The following ZNF626 variants were observed in gnomAD, a reference collection of about 807,000 sequenced individuals.
The protein encoded by ZNF626 is CTC-513N18.7.
ZNF626 carries 4 observed loss-of-function variants against 11.7 expected under a neutral mutation model. The observed-to-expected ratio is 0.34, with a 90% confidence interval of 0.17 to 0.78. The LOEUF (loss-of-function observed/expected upper bound fraction) is 0.78. Among genes scored for constraint, ZNF626 ranks in the 30% least tolerant of loss-of-function variants. The pLI is 0.57. For missense variants in ZNF626, 588 were observed against 587.1 expected (o/e 1.00, Z -0.01); for synonymous variants, 179 against 198.6 (o/e 0.90, Z 0.83).
chr19:20,629,513 G>T (rs1181070019), intron 3 of ZNF626, among the ~76,000 whole-genome samples: 1 of 152,146 alleles, frequency 6.6e-6, no homozygotes, highest in Non-Finnish European at 1.5e-5. Flanking sequence ...TTGTAAGGTG[G>T]ATTCCTAGGT....
chr19:20,626,852 T>TA (rs1408368957), intron 3 of ZNF626, among the ~76,000 whole-genome samples: 38 of 151,950 alleles, frequency 2.5e-4, no homozygotes, highest in South Asian at 8.3e-4. Context: ...CCATCTCTGC[T>TA]AAAAATACAA....
chr19:20,625,371 C>T lies in ZNF626; in HGVS notation c.506G>A (p.Gly169Glu). 2 of 1,613,950 alleles carry T rather than the reference C, an allele frequency of 1.2e-6. No homozygotes were observed. Among genetic ancestry groups the T allele is most frequent in the Non-Finnish European group, 1.7e-6 (2 of 1,179,986 alleles). ...NSNGQKRGHT[G>E]KKPFKYIECG... ...TTCTATATATTTGAAAGGTTTTTTC[C>T]CAGTATGTCCTCTCTTTTGTCCGTT... is the stretch of plus-strand genomic sequence containing the variant. Residue 169 changes from glycine to glutamate, a missense_variant, in exon 4 of 4, where the codon GGG (glycine) becomes GAG (glutamate). By Grantham distance (98) the Gly-to-Glu change is moderately conservative. Transcript: ENST00000601440.
chr19:20,659,857 C>T (rs1970245011), intron 1 of ZNF626, among the ~76,000 whole-genome samples: 1 of 152,034 alleles, frequency 6.6e-6, no homozygotes, highest in Non-Finnish European at 1.5e-5. Context: ...CTGTGGGGCC[C>T]CAGCTTTCCA....
chr19:20,625,494 T>C lies in ZNF626; in HGVS notation c.383A>G (p.Glu128Gly). The change falls in exon 4 of 4, where the codon GAA becomes GGA. Residue 128 changes from glutamate (E) to glycine (G), a missense_variant. Glu to Gly is a moderately conservative substitution (Grantham distance 98). Coordinates refer to ENST00000601440, the MANE Select transcript of ZNF626 (RefSeq NM_001076675.3). ...ISVDECKVHK[E>G]GYNELNQCLT... ...ACATTGGTTAAGTTCATTATAACCT[T>C]CTTTGTGCACCTTACACTCATCCAC... 1.2e-6 allele frequency: 2 copies of C among 1,614,052 alleles called. No homozygotes were observed. The highest frequency in any genetic ancestry group is 1.7e-6 in the Non-Finnish European group (2 of 1,179,982).
chr19:20,632,550 G>A (rs1324360829), intron 3 of ZNF626, among the ~76,000 whole-genome samples: 9 of 151,750 alleles, frequency 5.9e-5, no homozygotes, highest in African/African-American at 1.5e-4. Flanking sequence ...ATTTTCCATC[G>A]CTGATACCCT....
Position 20,633,082 on chromosome 19 carries a change from G to A in ZNF626, c.227-7432C>T, listed in dbSNP as rs1555770534. Among the ~76,000 whole-genome samples, 6 of 152,216 alleles carry A rather than the reference G, an allele frequency of 3.9e-5. No homozygotes were observed. The East Asian group carries it at 5.8e-4, about 15-fold the overall frequency. On this transcript the variant is annotated intron_variant, in intron 3 of 3. Coordinates refer to ENST00000601440, the MANE Select transcript of ZNF626 (RefSeq NM_001076675.3). Reference sequence around the variant, plus strand: ...CACTGTTTGCCTGGGTATCAGCAGCGGTGGCTGCAGAACAGCGGATTTTGC... The same window carrying A: ...CACTGTTTGCCTGGGTATCAGCAGCAGTGGCTGCAGAACAGCGGATTTTGC...
intron 2 of ZNF626, among the ~76,000 whole-genome samples, chr19:20,646,035 C>T (rs1970073617): frequency 6.6e-6 from 1 of 152,078 alleles, no homozygotes; most frequent in Non-Finnish European, 1.5e-5. Context: ...TTTTATGCCA[C>T]TAAATTTCTG....
intron 3 of ZNF626, among the ~76,000 whole-genome samples, chr19:20,632,454 T>C (rs1207178613): frequency 1.3e-5 from 2 of 152,216 alleles, no homozygotes; most frequent in Non-Finnish European, 2.9e-5. Context: ...TCTTTTCACA[T>C]AGTCCCATAT....
At chr19:20,656,437 A>G (rs1302644648) in intron 1 of ZNF626, among the ~76,000 whole-genome samples, 1 of 152,196 alleles carries the variant, frequency 6.6e-6, no homozygotes, top group Non-Finnish European at 1.5e-5. Context: ...AAACTGACAA[A>G]TTGGACCTAT....
Position 20,625,458 on chromosome 19 carries a change from G to A in ZNF626, c.419C>T (p.Thr140Ile), listed in dbSNP as rs782079210. The change falls in exon 4 of 4, where the codon ACC (threonine) becomes ATC (isoleucine). Residue 140 changes from threonine to isoleucine, a missense_variant. Thr to Ile is a moderately conservative substitution (Grantham distance 89). This residue lies in a region of ZNF626 where 524 missense variants were observed against 470.1 expected (regional missense o/e 1.11). Transcript: ENST00000601440. ...ATCACATTGACATATTTTTCTTGGG[G>A]TAGTTGTCAAACATTGGTTAAGTTC... is the stretch of plus-strand genomic sequence containing the variant. The part of the protein sequence containing the change: ...YNELNQCLTT[T>I]PRKICQCDKY... 2 of 1,614,050 alleles carry A rather than the reference G, an allele frequency of 1.2e-6. No individual in the cohort carries two copies. Among genetic ancestry groups the A allele is most frequent in the South Asian group, 1.1e-5 (1 of 91,064 alleles).
chr19:20,640,896 T>C (rs190893002), intron 3 of ZNF626, among the ~76,000 whole-genome samples: 74 of 152,124 alleles, frequency 4.9e-4, no homozygotes, highest in African/African-American at 1.8e-3. Context: ...CCCGTAATCC[T>C]AGCAATTTGG....
chr19:20,645,249 CAA>C, intron 3 of ZNF626: 1 of 1,397,754 alleles, frequency 7.2e-7, no homozygotes, highest in Non-Finnish European at 9.3e-7. Context: ...GAAAAATGAA[CAA>C]AAAAAAATTC....
Position 20,655,503 on chromosome 19 carries a change from T to A in ZNF626, c.3+5941A>T, listed in dbSNP as rs1474161444. On this transcript the variant is annotated intron_variant, in intron 1 of 3. Transcript: ENST00000601440. ...GAACCAAAAACAAAGCAATACATCT[T>A]AAGTACTTATAATAATCTGGAGTCA... Among the ~76,000 whole-genome samples, 11 of 152,334 alleles carry A rather than the reference T, an allele frequency of 7.2e-5. 1 individual carries two copies. Among genetic ancestry groups the A allele is most frequent in the Admixed American group, 6.5e-4 (10 of 15,304 alleles).
At chr19:20,628,707 A>T (rs1310840818) in intron 3 of ZNF626, among the ~76,000 whole-genome samples, 2 of 152,176 alleles carry the variant, frequency 1.3e-5, no homozygotes, top group African/African-American at 4.8e-5. Flanking sequence ...AGCAGGTTGC[A>T]AAAATTTTCT....
intron 3 of ZNF626, among the ~76,000 whole-genome samples, chr19:20,631,727 C>T (rs1437785603): frequency 1.3e-5 from 2 of 151,058 alleles, no homozygotes; most frequent in African/African-American, 2.5e-5. Flanking sequence ...ACTGATGGGT[C>T]TTGACTCTTT....
At chr19:20,639,304 C>T (rs1193538506) in intron 3 of ZNF626, among the ~76,000 whole-genome samples, 1 of 152,184 alleles carries the variant, frequency 6.6e-6, no homozygotes, top group African/African-American at 2.4e-5. Flanking sequence ...GTTTGGAGAA[C>T]ATGGATATCC....
chr19:20,651,586 C>T (rs186230293), intron 1 of ZNF626, among the ~76,000 whole-genome samples: 1 of 152,238 alleles, frequency 6.6e-6, no homozygotes, highest in African/African-American at 2.4e-5. Flanking sequence ...TTCTCTTACA[C>T]TGAGAAAGAA....
At chr19:20,633,756 C>T (rs1485993094) in intron 3 of ZNF626, among the ~76,000 whole-genome samples, 3 of 152,214 alleles carry the variant, frequency 2.0e-5, no homozygotes, top group East Asian at 1.9e-4. Flanking sequence ...GGCGATGCCT[C>T]GCCCTGCTTT....
chr19:20,626,319 A>G (rs1969831893), intron 3 of ZNF626, among the ~76,000 whole-genome samples: 1 of 152,234 alleles, frequency 6.6e-6, no homozygotes, highest in East Asian at 1.9e-4. Context: ...AAAATCTCAA[A>G]GATTACAATA....
Sources: allele counts gnomAD v4.1 joint callset (sites outside exome capture counted in the v4.1 genomes callset), GRCh38; gene constraint gnomAD v4.1.1; regional missense constraint gnomAD v4.1.1; transcripts MANE v1.5; gene names NCBI Gene and HGNC (gene_info 2026-07-23, HGNC 2026-07-21).